Variants in TMEM131L observed in about 807,000 individuals in gnomAD.
TMEM131L encodes transmembrane 131 like, also known as transmembrane protein 131-like.
TMEM131L carries 54 observed loss-of-function variants against 192.2 expected under a neutral mutation model. The ratio of observed to expected loss-of-function variants is 0.28; its 90% confidence interval spans 0.23 to 0.35. TMEM131L has a LOEUF of 0.35. TMEM131L is among the 10% of genes least tolerant of loss of function. The probability of loss-of-function intolerance (pLI) is 1.00; values close to 1 mark genes in which losing one functional copy is unlikely to be tolerated. For synonymous variants in TMEM131L, 701 were observed against 704.9 expected (o/e 0.99, Z 0.09); for missense variants, 1,888 against 1,972.9 (o/e 0.96, Z 0.82).
At chr4:153,602,516 C>G (rs780194344) in intron 22 of TMEM131L, 26 bp from the exon 23 acceptor site, 1 of 1,607,278 alleles carries the variant, frequency 6.2e-7, no homozygotes, top group Admixed American at 1.7e-5. Context: ...ATTAAAAGTT[C>G]ATAAAGATGA....
chr4:153,530,019 C>T (rs1735773986), intron 3 of TMEM131L, among the ~76,000 whole-genome samples: 1 of 151,674 alleles, frequency 6.6e-6, no homozygotes, highest in Non-Finnish European at 1.5e-5. Flanking sequence ...AAAATTCTTG[C>T]CATCTCTGTT....
intron 9 of TMEM131L, among the ~76,000 whole-genome samples, chr4:153,581,930 T>C (rs962005968): frequency 6.6e-6 from 1 of 152,272 alleles, no homozygotes; most frequent in Non-Finnish European, 1.5e-5. Context: ...TCATGCTGTT[T>C]TGTATTTTAA....
chr4:153,523,806 T>G (rs1180757121), intron 3 of TMEM131L, among the ~76,000 whole-genome samples: 2 of 152,196 alleles, frequency 1.3e-5, no homozygotes, highest in African/African-American at 2.4e-5. Context: ...AGATCTCACC[T>G]TTACTCCTGC....
intron 3 of TMEM131L, among the ~76,000 whole-genome samples, chr4:153,542,966 C>T (rs541609240): frequency 3.3e-5 from 5 of 152,162 alleles, no homozygotes; most frequent in Admixed American, 6.5e-5. Context: ...TGACTTTTGT[C>T]GCTGTCTTAG....
At chr4:153,467,359 C>A in intron 2 of TMEM131L, 78 bp downstream of exon 2, 1 of 1,285,022 alleles carries the variant, frequency 7.8e-7, no homozygotes, top group Non-Finnish European at 1.1e-6. Context: ...CCTCCCCACC[C>A]CCTGTCCAAG....
At chr4:153,517,747 T>A (rs1734835254) in intron 3 of TMEM131L, among the ~76,000 whole-genome samples, 1 of 152,228 alleles carries the variant, frequency 6.6e-6, no homozygotes, top group African/African-American at 2.4e-5. Context: ...GTGTGCAGTG[T>A]CTGTGTATAT....
intron 17 of TMEM131L, among the ~76,000 whole-genome samples, chr4:153,591,579 GTTGACTT>G (rs1288113812): frequency 6.6e-6 from 1 of 152,190 alleles, no homozygotes; most frequent in Non-Finnish European, 1.5e-5. Flanking sequence ...TCCTTAGCGT[GTTGACTT>G]CGGTGCTTGT....
intron 3 of TMEM131L, among the ~76,000 whole-genome samples, chr4:153,527,055 C>T (rs375643474): frequency 6.6e-6 from 1 of 152,040 alleles, no homozygotes; most frequent in South Asian, 2.1e-4. Context: ...CCATGAAAGA[C>T]TGAAGATCCC....
chr4:153,566,398 G>T (rs576656818), intron 7 of TMEM131L, among the ~76,000 whole-genome samples: 1 of 152,242 alleles, frequency 6.6e-6, no homozygotes, highest in East Asian at 1.9e-4. Context: ...GCCTCTCAAA[G>T]TGCCGGGATT....
intron 29 of TMEM131L, among the ~76,000 whole-genome samples, chr4:153,624,242 C>T (rs1490855143): frequency 6.6e-6 from 1 of 151,996 alleles, no homozygotes; most frequent in Non-Finnish European, 1.5e-5. Context: ...CCTCAGCCTC[C>T]CAAGTAGCTG....
At chr4:153,557,171 T>C (rs556923802) in intron 6 of TMEM131L, 89 bp downstream of exon 6, 4 of 683,676 alleles carry the variant, frequency 5.9e-6, no homozygotes, top group Admixed American at 5.6e-5. Flanking sequence ...CTTTTGGAAA[T>C]GTTGTCACCT....
chr4:153,469,786 C>G (rs191849241), intron 2 of TMEM131L, among the ~76,000 whole-genome samples: 1 of 151,978 alleles, frequency 6.6e-6, no homozygotes, highest in Non-Finnish European at 1.5e-5. Flanking sequence ...ATTAGCCGGG[C>G]GTGGTGGTGC....
At chr4:153,507,143 G>C (rs1400033760) in intron 3 of TMEM131L, among the ~76,000 whole-genome samples, 1 of 152,198 alleles carries the variant, frequency 6.6e-6, no homozygotes, top group Admixed American at 6.5e-5. Flanking sequence ...GCAGAGCCTT[G>C]AACAACACCA....
intron 3 of TMEM131L, among the ~76,000 whole-genome samples, chr4:153,537,424 T>C (rs1736418570): frequency 6.6e-6 from 1 of 152,192 alleles, no homozygotes; most frequent in South Asian, 2.1e-4. Context: ...GAATGGCTAC[T>C]CCATAGTCAG....
intron 3 of TMEM131L, among the ~76,000 whole-genome samples, chr4:153,525,168 A>C (rs1238240838): frequency 1.3e-5 from 2 of 152,118 alleles, no homozygotes; most frequent in African/African-American, 4.8e-5. Context: ...CCTTCTTTCC[A>C]ATGTGTTTGA....
At chr4:153,505,146 G>A (rs552422206) in intron 3 of TMEM131L, among the ~76,000 whole-genome samples, 287 of 134,624 alleles carry the variant, frequency 2.1e-3, no homozygotes, top group African/African-American at 7.8e-3. Context: ...TCGCTCTGTT[G>A]CCCAGGCTGG....
intron 7 of TMEM131L, among the ~76,000 whole-genome samples, chr4:153,572,830 A>G (rs138012301): frequency 6.5e-4 from 99 of 152,246 alleles, no homozygotes; most frequent in African/African-American, 2.1e-3. Context: ...CATCACCCCA[A>G]GGGGAAACTC....
chr4:153,625,971 TGTA>T (rs1352611048), intron 29 of TMEM131L, among the ~76,000 whole-genome samples, 173 bp from the exon 30 acceptor site: 3 of 152,186 alleles, frequency 2.0e-5, no homozygotes, highest in African/African-American at 7.2e-5. Context: ...TGTTCATAAT[TGTA>T]GTATAATTGC....
chr4:153,509,774 C>CCTGA (rs765218278), intron 3 of TMEM131L, among the ~76,000 whole-genome samples: 5 of 152,172 alleles, frequency 3.3e-5, no homozygotes, highest in Non-Finnish European at 7.3e-5. Context: ...GATTCTTAAC[C>CCTGA]CTGACCCACA....
Sources: gnomAD v4.1 joint callset for allele counts (sites outside exome capture counted in the v4.1 genomes callset) on GRCh38, gnomAD v4.1.1 for gene constraint, MANE v1.5 for transcripts, NCBI Gene and HGNC (gene_info 2026-07-23, HGNC 2026-07-21) for gene names.